MARK2: variants seen among roughly 807,000 people sequenced by gnomAD.
MARK2 encodes the protein serine/threonine-protein kinase MARK2.
Under a neutral mutation model 89.8 loss-of-function variants are expected in MARK2, and 16 were observed. The ratio of observed to expected loss-of-function variants is 0.18; its 90% confidence interval spans 0.12 to 0.27. MARK2 has a LOEUF of 0.27. Among genes scored for constraint, MARK2 ranks in the 10% least tolerant of loss-of-function variants. MARK2 has a pLI of 1.00. For missense variants in MARK2, 621 were observed against 1,049.9 expected, an observed-to-expected ratio of 0.59 and a Z score of 5.65; for synonymous variants, 382 against 399.5, an observed-to-expected ratio of 0.96 and a Z score of 0.52.
At chr11:63,901,419 C>CTGGG (rs1940854338) in intron 11 of MARK2, among the ~76,000 whole-genome samples, 1 of 64,624 alleles carries the variant, frequency 1.5e-5, no homozygotes, top group African/African-American at 6.3e-5. Context: ...GTGTACATTT[C>CTGGG]TGGGTGTGTG....
intron 1 of MARK2, among the ~76,000 whole-genome samples, chr11:63,844,681 A>G (rs965451575): frequency 2.0e-5 from 3 of 152,176 alleles, no homozygotes; most frequent in East Asian, 1.9e-4. Context: ...GTTGGTGCCT[A>G]TGAGGTAGGA....
At chr11:63,853,996 C>T (rs1310087628) in intron 1 of MARK2, among the ~76,000 whole-genome samples, 1 of 152,186 alleles carries the variant, frequency 6.6e-6, no homozygotes, top group African/African-American at 2.4e-5. Context: ...CCTCAGCCTC[C>T]CAAGTTGCTG....
At chr11:63,868,872 G>A (rs1298345537) in intron 1 of MARK2, 1 of 456,038 alleles carries the variant, frequency 2.2e-6, no homozygotes, top group Non-Finnish European at 4.4e-6. Flanking sequence ...CATGGCACGG[G>A]AAGAACTGAT....
chr11:63,908,693 G>A (rs954470159), intron 18 of MARK2, among the ~76,000 whole-genome samples, 184 bp from the exon 19 acceptor site: 1 of 152,076 alleles, frequency 6.6e-6, no homozygotes, highest in African/African-American at 2.4e-5. Context: ...CCTCCCCTTC[G>A]CTGTCCTGAG....
At chr11:63,881,393 C>A (rs1298490510) in intron 1 of MARK2, among the ~76,000 whole-genome samples, 1 of 152,168 alleles carries the variant, frequency 6.6e-6, no homozygotes, top group Admixed American at 6.5e-5. Context: ...GCAACGAATG[C>A]CTCGAAAGAG....
intron 1 of MARK2, chr11:63,868,518 G>A: frequency 3.3e-6 from 1 of 307,074 alleles, no homozygotes; most frequent in Non-Finnish European, 6.5e-6. Flanking sequence ...GCTTTTTCAG[G>A]ATGAGAAGAT....
At chr11:63,877,054 C>G (rs1188958007) in intron 1 of MARK2, among the ~76,000 whole-genome samples, 1 of 150,048 alleles carries the variant, frequency 6.7e-6, no homozygotes, top group Non-Finnish European at 1.5e-5. Flanking sequence ...AGGTCTTCTG[C>G]TGCCTTGGGC....
intron 18 of MARK2, among the ~76,000 whole-genome samples, chr11:63,908,505 G>GTA (rs1941530707): frequency 6.6e-6 from 1 of 152,154 alleles, no homozygotes; most frequent in South Asian, 2.1e-4. Flanking sequence ...CTCAGGTCTG[G>GTA]TATATTCTGG....
chr11:63,839,287 G>GT lies in MARK2; in HGVS notation c.-220_-219insT. The GT allele has an allele frequency of 3.2e-6, 1 of 315,316 alleles. No individual in the cohort carries two copies. The highest frequency in any genetic ancestry group is 5.1e-5 in the East Asian group (1 of 19,434). 19.5% of individuals were successfully genotyped at this position (315,316 alleles called of 1,614,324 possible). On this transcript the variant is annotated 5_prime_UTR_variant, in exon 1 of 19. Coordinates refer to ENST00000402010, the MANE Select transcript of MARK2 (RefSeq NM_001039469.3). ...AGGCGGCACAGCCCAGCCGGGGGTC[G>GT]GGGGGGTGCGGTCCGGAGCCGCTCG...
chr11:63,864,816 G>A (rs971532035), intron 1 of MARK2, among the ~76,000 whole-genome samples: 2 of 149,306 alleles, frequency 1.3e-5, no homozygotes, highest in Non-Finnish European at 3.0e-5. Flanking sequence ...TTTGAGACCA[G>A]CCTGGGCAAC....
In MARK2 at chr11:63,904,469, G is replaced by A. The variant is rs1941161112; in HGVS notation, c.1677-317G>A. Among the ~76,000 whole-genome samples, 1 of 152,216 alleles carries A rather than the reference G, an allele frequency of 6.6e-6. No homozygotes were observed. Among genetic ancestry groups the A allele is most frequent in the Admixed American group, 6.5e-5 (1 of 15,302 alleles). On this transcript the variant is annotated intron_variant, in intron 15 of 18. Coordinates refer to ENST00000402010, the MANE Select transcript of MARK2 (RefSeq NM_001039469.3). The surrounding 1 kb of genome is among the most constrained non-coding windows in gnomAD (Gnocchi z 6.3). ...CATCACAGGGACTCAATCCTCAAGG[G>A]TTGGTCCCCATTGCCGCCTTGAGGG... is the stretch of plus-strand genomic sequence containing the variant.
chr11:63,906,137 G>C, intron 17 of MARK2, 23 bp downstream of exon 17: 1 of 1,152,172 alleles, frequency 8.7e-7, no homozygotes. Flanking sequence ...CCCGCTGTGT[G>C]TGTGTGTGTG....
At chr11:63,864,703 C>T (rs1938028575) in intron 1 of MARK2, among the ~76,000 whole-genome samples, 1 of 151,242 alleles carries the variant, frequency 6.6e-6, no homozygotes, top group African/African-American at 2.4e-5. Context: ...GCTCTGTTGC[C>T]CTTGATTAAG....
At chr11:63,876,718 C>A (rs1239634513) in intron 1 of MARK2, among the ~76,000 whole-genome samples, 1 of 152,272 alleles carries the variant, frequency 6.6e-6, no homozygotes, top group Middle Eastern at 3.4e-3. Flanking sequence ...GCCATCTTTT[C>A]TTCCCTGCCA....
intron 1 of MARK2, among the ~76,000 whole-genome samples, chr11:63,848,545 G>T (rs986702423): frequency 1.5e-4 from 22 of 148,384 alleles, no homozygotes; most frequent in South Asian, 6.6e-4. Flanking sequence ...AGCACACCCG[G>T]CTAATTTTTT....
intron 4 of MARK2, 151 bp from the exon 5 acceptor site, chr11:63,898,457 G>C (rs1418899798): frequency 3.4e-6 from 3 of 886,642 alleles, no homozygotes; most frequent in Non-Finnish European, 5.5e-6. Context: ...GTCTTTAGCA[G>C]TTTGGCTGGC....
chr11:63,898,130 G>A (rs940114453), intron 3 of MARK2, 102 bp from the exon 4 acceptor site: 25 of 930,184 alleles, frequency 2.7e-5, no homozygotes, highest in African/African-American at 4.9e-5. Context: ...TTCCCTGCCC[G>A]GTTTTGGTTT....
Position 63,909,365 on chromosome 11 carries a change from C to T in MARK2, c.*128C>T. 3.0e-6 allele frequency: 3 copies of T among 986,006 alleles called. No homozygotes were observed. The highest frequency in any genetic ancestry group is 5.8e-5 in the East Asian group (2 of 34,652). The allele number at this position is 986,006 out of a possible 1,614,324, so 61.1% of individuals were successfully genotyped here. On this transcript the variant is annotated 3_prime_UTR_variant, in exon 19 of 19. Transcript: ENST00000402010. ...CTCCCCTGCTGGCACTTCTCCCCTC[C>T]CTGGCCCTTCTCAGTTTTCTCTTAC...
At chr11:63,881,723 A>T (rs1486259849) in intron 1 of MARK2, among the ~76,000 whole-genome samples, 1 of 152,198 alleles carries the variant, frequency 6.6e-6, no homozygotes, top group African/African-American at 2.4e-5. Flanking sequence ...AGGCAGGAAG[A>T]TTGCTTGAGC....
Sources: allele counts gnomAD v4.1 joint callset (sites outside exome capture counted in the v4.1 genomes callset), GRCh38; gene constraint gnomAD v4.1.1; non-coding constraint Gnocchi (gnomAD v3.1); transcripts MANE v1.5; gene names NCBI Gene and HGNC (gene_info 2026-07-23, HGNC 2026-07-21).